FLI1: variants seen among roughly 807,000 people sequenced by gnomAD.
The protein encoded by FLI1 is Friend leukemia integration 1 transcription factor.
FLI1 carries 13 observed loss-of-function variants against 53.1 expected under a neutral mutation model. That is an observed-to-expected ratio of 0.24 (90% confidence interval 0.16 to 0.39). The LOEUF is 0.39. FLI1 is among the 10% of genes least tolerant of loss of function. The probability of loss-of-function intolerance (pLI) is 1.00; values close to 1 mark genes in which losing one functional copy is unlikely to be tolerated. For synonymous variants in FLI1, 244 were observed against 236.7 expected (o/e 1.03, Z -0.28); for missense variants, 424 against 600.5 (o/e 0.71, Z 3.07).
chr11:128,714,227 C>T (rs1028399278), intron 1 of FLI1, among the ~76,000 whole-genome samples: 1 of 126,364 alleles, frequency 7.9e-6, no homozygotes, highest in African/African-American at 2.9e-5. Context: ...AAAAAAAAAA[C>T]GGCAACTCTT....
At chr11:128,700,013 C>T (rs886903206) in intron 1 of FLI1, among the ~76,000 whole-genome samples, 5 of 152,220 alleles carry the variant, frequency 3.3e-5, no homozygotes, top group Middle Eastern at 3.4e-3. Context: ...GGAGATCTAG[C>T]GAGAAGATAA....
chr11:128,777,751 G>C (rs1035451904), intron 4 of FLI1, among the ~76,000 whole-genome samples: 2 of 152,248 alleles, frequency 1.3e-5, no homozygotes, highest in Admixed American at 6.5e-5. Flanking sequence ...GAGAGACCTG[G>C]ATTCAATAGG....
At chr11:128,764,391 C>T (rs538698203) in intron 2 of FLI1, among the ~76,000 whole-genome samples, 9 of 152,240 alleles carry the variant, frequency 5.9e-5, no homozygotes, top group Non-Finnish European at 1.0e-4. Context: ...GGCAGCTCTG[C>T]TGTGGCCTCT....
chr11:128,762,351 TA>T (rs968776951), intron 2 of FLI1, among the ~76,000 whole-genome samples: 52 of 152,338 alleles, frequency 3.4e-4, no homozygotes, highest in African/African-American at 1.2e-3. Flanking sequence ...AGGCAGGGTA[TA>T]AAATTTGAGA....
chr11:128,809,025 TAA>T, intron 7 of FLI1, 130 bp from the exon 8 acceptor site: 1 of 635,386 alleles, frequency 1.6e-6, no homozygotes, highest in Non-Finnish European at 2.7e-6. Flanking sequence ...ATAAAAGCAG[TAA>T]AGTTTTCTGA....
chr11:128,719,278 T>TAAA (rs36139999), intron 1 of FLI1, among the ~76,000 whole-genome samples: 3 of 137,426 alleles, frequency 2.2e-5, no homozygotes, highest in Non-Finnish European at 3.1e-5. Flanking sequence ...TCAGTTAGAT[T>TAAA]AAAAAAAAAA....
At chr11:128,801,116 T>A (rs1942624741) in intron 5 of FLI1, among the ~76,000 whole-genome samples, 1 of 152,208 alleles carries the variant, frequency 6.6e-6, no homozygotes, top group Non-Finnish European at 1.5e-5. Flanking sequence ...CACCTCAAGT[T>A]TGTCAGTTCT....
chr11:128,771,635 A>T (rs949200228), intron 3 of FLI1, among the ~76,000 whole-genome samples: 15 of 152,166 alleles, frequency 9.9e-5, no homozygotes, highest in Non-Finnish European at 2.1e-4. Context: ...CTGCCTAATA[A>T]ATATGTTAAA....
chr11:128,775,268 G>A (rs1941696892), intron 4 of FLI1, among the ~76,000 whole-genome samples: 1 of 152,010 alleles, frequency 6.6e-6, no homozygotes. Context: ...ATACAATGTT[G>A]GGTGGAAAAG....
At chr11:128,730,392 CT>C (rs1408870998) in intron 1 of FLI1, among the ~76,000 whole-genome samples, 1 of 152,180 alleles carries the variant, frequency 6.6e-6, no homozygotes, top group African/African-American at 2.4e-5. Context: ...CATTTCTGTG[CT>C]TACTCAATAG....
intron 1 of FLI1, chr11:128,748,308 G>C: frequency 1.0e-6 from 1 of 967,742 alleles, no homozygotes; most frequent in South Asian, 4.8e-5. Context: ...AAAGGGGAAA[G>C]GCACTTGGGA....
intron 1 of FLI1, among the ~76,000 whole-genome samples, chr11:128,755,816 A>C (rs903544672): frequency 5.9e-5 from 9 of 152,172 alleles, no homozygotes; most frequent in Non-Finnish European, 1.2e-4. Flanking sequence ...CTTTGAATGT[A>C]TGTCTGGAGG....
At chr11:128,800,165 C>T (rs1246414486) in intron 5 of FLI1, among the ~76,000 whole-genome samples, 4 of 152,124 alleles carry the variant, frequency 2.6e-5, no homozygotes, top group Non-Finnish European at 5.9e-5. Flanking sequence ...TACCAAATCC[C>T]CCTGCTCTGC....
At chr11:128,799,296 C>T (rs1405410840) in intron 5 of FLI1, among the ~76,000 whole-genome samples, 1 of 152,064 alleles carries the variant, frequency 6.6e-6, no homozygotes, top group Non-Finnish European at 1.5e-5. Context: ...AGCCCTCAGG[C>T]TTCTCTTCCT....
chr11:128,733,358 G>GC (rs1246660472), intron 1 of FLI1, among the ~76,000 whole-genome samples: 2 of 152,000 alleles, frequency 1.3e-5, no homozygotes, highest in East Asian at 3.9e-4. Context: ...TTTTGAGGCA[G>GC]CAAGTCCAGG....
chr11:128,724,776 C>T (rs1393891952), intron 1 of FLI1, among the ~76,000 whole-genome samples: 1 of 152,154 alleles, frequency 6.6e-6, no homozygotes, highest in Non-Finnish European at 1.5e-5. Context: ...TAGAGATTCC[C>T]AGTGTCCCAG....
chr11:128,751,013 T>C (rs969750223), intron 1 of FLI1, among the ~76,000 whole-genome samples: 2 of 152,202 alleles, frequency 1.3e-5, no homozygotes, highest in Admixed American at 6.5e-5. Flanking sequence ...ATTCAGGCTA[T>C]GTAACAGAGC....
chr11:128,733,179 T>G (rs1272925787), intron 1 of FLI1, among the ~76,000 whole-genome samples: 1 of 151,776 alleles, frequency 6.6e-6, no homozygotes, highest in African/African-American at 2.4e-5. Context: ...GCAAGAGGTT[T>G]TTTTTTTTCA....
rs1942904155 is a variant in FLI1, at chr11:128,810,293, G to A, written c.830-166G>A. Among the ~76,000 whole-genome samples, 1 of 151,832 alleles carries A rather than the reference G, an allele frequency of 6.6e-6. No homozygotes were observed. The highest frequency in any genetic ancestry group is 2.1e-4 in the South Asian group (1 of 4,818). ...ACCCATCTCCAAGGCAAGCAGAAAG[G>A]CAAATCAACAATGACATAAGAAGGG... On this transcript the variant is annotated intron_variant, in intron 8 of 8. Coordinates refer to ENST00000527786, the MANE Select transcript of FLI1 (RefSeq NM_002017.5). The surrounding 1 kb of genome is among the most constrained non-coding windows in gnomAD (Gnocchi z 6.6).
Sources: allele counts gnomAD v4.1 joint callset (sites outside exome capture counted in the v4.1 genomes callset), GRCh38; gene constraint gnomAD v4.1.1; non-coding constraint Gnocchi (gnomAD v3.1); transcripts MANE v1.5; gene names NCBI Gene and HGNC (gene_info 2026-07-23, HGNC 2026-07-21).